Variants in SMG5 observed in about 807,000 individuals in gnomAD.
SMG5 encodes SMG5 nonsense mediated mRNA decay factor, also known as nonsense-mediated mRNA decay factor SMG5.
In SMG5, 53 loss-of-function variants were observed where a neutral mutation model predicts 122.9. The observed-to-expected ratio is 0.43, with a 90% CI of 0.35 to 0.54. The LOEUF (loss-of-function observed/expected upper bound fraction) is 0.54, where lower values mean the gene tolerates loss of function less well. Ranked by LOEUF, SMG5 falls within the 20% of genes least tolerant of loss-of-function variation. SMG5 has a pLI of 0.01. For missense variants in SMG5, 1,153 were observed against 1,285.6 expected (o/e 0.90, Z 1.58); for synonymous variants, 477 against 490.2 (o/e 0.97, Z 0.35).
chr1:156,250,012 C>T lies in SMG5; in HGVS notation c.*575G>A. The T allele has an allele frequency of 2.2e-6, 1 of 449,076 alleles. No individual in the cohort carries two copies. The highest frequency in any genetic ancestry group is 2.4e-5 in the Admixed American group (1 of 41,354). 27.8% of individuals were successfully genotyped at this position (449,076 alleles called of 1,614,324 possible). ...CCCTGCTACTCGGTGCAGGCCACTCCAGGCCTTGCTTCTCTAACAGCCCCT... is the reference window on the plus strand; with the variant it reads ...CCCTGCTACTCGGTGCAGGCCACTCTAGGCCTTGCTTCTCTAACAGCCCCT... On this transcript the variant is annotated 3_prime_UTR_variant, in exon 22 of 22. Coordinates refer to ENST00000361813, the MANE Select transcript of SMG5 (RefSeq NM_015327.3).
rs757650512 is a variant in SMG5, at chr1:156,263,508, G to C, written c.1918C>G (p.Arg640Gly). The change falls in exon 13 of 22, where the codon CGC becomes GGC. Residue 640 changes from arginine (R) to glycine (G), a missense_variant. By Grantham distance (125) the Arg-to-Gly change is moderately radical. Around this residue, in one of 5 missense-constraint regions of SMG5, gnomAD observed 631 missense variants for 650.6 expected, o/e 0.97. Coordinates refer to ENST00000361813, the MANE Select transcript of SMG5 (RefSeq NM_015327.3). ...ESSGRSCRNE[R>G]SIQEKLQVLM... ...ACCTGAAGCTTCTCCTGGATGCTGC[G>C]CTCATTCCGACAGGAGCGTCCACTG... The C allele has an allele frequency of 6.2e-7, 1 of 1,614,236 alleles. No individual in the cohort carries two copies. The highest frequency in any genetic ancestry group is 1.1e-5 in the South Asian group (1 of 91,084).
At chr1:156,250,696 G>T in intron 21 of SMG5, 26 bp from the exon 22 acceptor site, 1 of 1,611,956 alleles carries the variant, frequency 6.2e-7, no homozygotes, top group Non-Finnish European at 8.5e-7. Flanking sequence ...AGGAAAGATG[G>T]AGAGGGTCTG....
At chr1:156,271,937 G>A (rs11264462) in intron 7 of SMG5, among the ~76,000 whole-genome samples, 34,483 of 152,034 alleles carry the variant, frequency 0.23, 4,576 homozygotes, top group Non-Finnish European at 0.29. Context: ...CAGACCCAGG[G>A]AAGCAGTGAC....
At chr1:156,251,614 G>T in intron 19 of SMG5, 137 bp from the exon 20 acceptor site, 1 of 824,626 alleles carries the variant, frequency 1.2e-6, no homozygotes, top group Non-Finnish European at 2.1e-6. Context: ...CACAGCTCTG[G>T]AGCCATTCTT....
At chr1:156,282,989 A>G, upstream of SMG5, 1 of 509,340 alleles carries the variant, frequency 2.0e-6, no homozygotes, top group African/African-American at 2.0e-5. Context: ...CCCTTGCGAA[A>G]AACTTTATTG....
At chr1:156,272,719 G>A (rs1019774600) in intron 6 of SMG5, among the ~76,000 whole-genome samples, 6 of 152,012 alleles carry the variant, frequency 3.9e-5, no homozygotes, top group African/African-American at 1.5e-4. Flanking sequence ...GACTACCACA[G>A]GCACCCACCA....
chr1:156,286,065 T>C, upstream of SMG5: 1 of 1,529,798 alleles, frequency 6.5e-7, no homozygotes, highest in South Asian at 1.3e-5. Context: ...GCAGGAGGAT[T>C]TCCCTTCACT....
chr1:156,278,377 GT>G (rs370053043), intron 2 of SMG5, among the ~76,000 whole-genome samples: 393 of 139,878 alleles, frequency 2.8e-3, no homozygotes, highest in African/African-American at 5.4e-3. Flanking sequence ...ATATTTTTGG[GT>G]TTTTTTTTTT....
intron 16 of SMG5, among the ~76,000 whole-genome samples, chr1:156,256,355 C>T (rs1008934784): frequency 5.5e-4 from 80 of 145,416 alleles, no homozygotes; most frequent in African/African-American, 1.9e-3. Context: ...TTCACTGTCA[C>T]CCAGGTTGGA....
rs929185207 is a variant in SMG5, at chr1:156,250,403, A to G, written c.*184T>C. On this transcript the variant is annotated 3_prime_UTR_variant, in exon 22 of 22. Coordinates refer to ENST00000361813, the MANE Select transcript of SMG5 (RefSeq NM_015327.3). ...CTCGCTTTCCTAACGTCTTGGCAAC[A>G]AAGGGACCCCACCCTCCCAGCCGGC... The G allele has an allele frequency of 3.2e-6, 2 of 633,812 alleles. No homozygotes were observed. Among genetic ancestry groups the G allele is most frequent in the Non-Finnish European group, 5.6e-6 (2 of 354,256 alleles). The allele number at this position is 633,812 out of a possible 1,614,324, so 39.3% of individuals were successfully genotyped here.
upstream of SMG5, among the ~76,000 whole-genome samples, chr1:156,287,557 A>G (rs1262316156): frequency 6.6e-6 from 1 of 150,684 alleles, no homozygotes; most frequent in African/African-American, 2.4e-5. Flanking sequence ...CCTTTTCTTC[A>G]TACAAACCAA....
At position 156,282,587 on chromosome 1, in the gene SMG5, C is replaced by T. The variant is rs757526747; in HGVS notation, c.74+20G>A. ...CCCCACTTCCCTCGGTGGCTGCTCT[C>T]ACGCCCTGGCCCCTCTCACCGGTAA... On this transcript the variant is annotated intron_variant, in intron 1 of 21. Transcript: ENST00000361813. The T allele has an allele frequency of 5.0e-6, 8 of 1,601,794 alleles. No homozygotes were observed. Among genetic ancestry groups the T allele is most frequent in the Non-Finnish European group, 6.8e-6 (8 of 1,177,416 alleles).
At chr1:156,275,815 GTT>G (rs5777975) in intron 4 of SMG5, among the ~76,000 whole-genome samples, 51 of 141,506 alleles carry the variant, frequency 3.6e-4, no homozygotes, top group Admixed American at 5.6e-4. Flanking sequence ...TAATGTGGTG[GTT>G]TTTTTTTTTT....
chr1:156,275,727 C>CT (rs5777974), intron 4 of SMG5, among the ~76,000 whole-genome samples: 32,598 of 151,520 alleles, frequency 0.22, 3,736 homozygotes, highest in Admixed American at 0.32. Context: ...TTGAAGTGAT[C>CT]TTTTTTTTAA....
intron 1 of SMG5, among the ~76,000 whole-genome samples, chr1:156,280,691 G>T (rs748436984): frequency 2.6e-5 from 4 of 152,110 alleles, no homozygotes; most frequent in Non-Finnish European, 5.9e-5. Flanking sequence ...TCCAAAAGAA[G>T]GTAAATAACC....
At position 156,272,409 on chromosome 1, in the gene SMG5, A is replaced by G; in HGVS notation, c.635-11T>C. ...GATTGAAGGGCATTCCTAGGGAGAA[A>G]GAGAATTCATGCAGTCTAAGGCCAC... On this transcript the variant is annotated splice_polypyrimidine_tract_variant and intron_variant, in intron 6 of 21. Coordinates refer to ENST00000361813, the MANE Select transcript of SMG5 (RefSeq NM_015327.3). 1 of 1,595,300 alleles carries G rather than the reference A, an allele frequency of 6.3e-7. No homozygotes were observed. The highest frequency in any genetic ancestry group is 1.1e-5 in the South Asian group (1 of 88,548).
At chr1:156,287,980 G>A in the SMG5 span, among the ~76,000 whole-genome samples, 3 of 151,676 alleles carry the variant, frequency 2.0e-5, no homozygotes, top group Non-Finnish European at 4.4e-5. Context: ...TTTGGGAGGC[G>A]GAGGCGGGCA....
At chr1:156,285,133 A>G, upstream of SMG5, 1 of 1,454,388 alleles carries the variant, frequency 6.9e-7, no homozygotes, top group South Asian at 1.5e-5. Context: ...AACCTGTCCT[A>G]ATAACTAGAA....
rs1054113684 is a variant in SMG5 at position 156,273,403 on chromosome 1, C to T, written c.592G>A (p.Glu198Lys). ...GACAGGGCTTGGTAGTAAAATCTCT[C>T]GGCTAGCAGCTCGGTATCTACGCCA... ...LAGVDTELLA[E>K]RFYYQALSVA... Residue 198 changes from glutamate (E) to lysine (K), a missense_variant, in exon 6 of 22, where the codon GAG becomes AAG. By Grantham distance (56) the Glu-to-Lys change is moderately conservative (BLOSUM62 1). Transcript: ENST00000361813. 4.3e-6 allele frequency: 7 copies of T among 1,614,038 alleles called. No individual in the cohort carries two copies. The highest frequency in any genetic ancestry group is 1.7e-5 in the Admixed American group (1 of 60,002).
Sources: allele counts gnomAD v4.1 joint callset (sites outside exome capture counted in the v4.1 genomes callset), GRCh38; gene constraint gnomAD v4.1.1; regional missense constraint gnomAD v4.1.1; transcripts MANE v1.5; gene names NCBI Gene and HGNC (gene_info 2026-07-23, HGNC 2026-07-21).